The following WDR11 variants were observed in gnomAD, a reference collection of about 807,000 sequenced individuals.
WDR11 encodes WD repeat-containing protein 11.
A neutral mutation model predicts 151.2 loss-of-function variants in WDR11; 83 were observed. That is an observed-to-expected ratio of 0.55 (90% CI 0.46 to 0.66). The LOEUF (loss-of-function observed/expected upper bound fraction) is 0.66, where lower values mean the gene tolerates loss of function less well. WDR11 is among the 30% of genes least tolerant of loss of function. The pLI, the probability that WDR11 is intolerant of heterozygous loss-of-function variation, is 0.00. For missense variants in WDR11, 1,301 were observed against 1,480.9 expected (o/e 0.88, Z 1.99); for synonymous variants, 484 against 533.1 (o/e 0.91, Z 1.27).
intron 19 of WDR11, among the ~76,000 whole-genome samples, chr10:120,899,102 T>C (rs938655741): frequency 2.6e-5 from 4 of 152,152 alleles, no homozygotes; most frequent in African/African-American, 9.7e-5. Context: ...TTGCAGCCTT[T>C]AGGTCTTCTG....
In WDR11 at chr10:120,878,353, G is replaced by C. The variant is rs1407316848; in HGVS notation, c.1557G>C (p.Lys519Asn). ...ACCTTTATCTCATTTCCTATTATAG[G>C]GGTATTGAATGGACAAGTTTGACTA... The part of the protein sequence containing the change: ...KELSIHSCEV[K>N]GIEWTSLTSF... The change falls in exon 12 of 29, where the codon AAG becomes AAC. Residue 519 changes from lysine to asparagine, a missense_variant and splice_region_variant. This residue lies in a region of WDR11 where 692 missense variants were observed against 762.5 expected (regional missense o/e 0.91). Coordinates refer to ENST00000263461, the MANE Select transcript of WDR11 (RefSeq NM_018117.12). 2.5e-6 allele frequency: 4 copies of C among 1,595,616 alleles called. No homozygotes were observed. In the Admixed American group the frequency reaches 6.7e-5, roughly 27 times the overall value.
intron 2 of WDR11, among the ~76,000 whole-genome samples, chr10:120,854,554 ACT>A (rs1845885717): frequency 6.6e-6 from 1 of 152,184 alleles, no homozygotes; most frequent in South Asian, 2.1e-4. Flanking sequence ...TCATATGGTA[ACT>A]CTGTTTAACT....
At chr10:120,883,961 G>T (rs1847120772) in intron 14 of WDR11, 73 bp downstream of exon 14, 2 of 1,302,096 alleles carry the variant, frequency 1.5e-6, no homozygotes. Context: ...GCTTAAGCTT[G>T]AATCAAAATC....
At chr10:120,869,876 A>G (rs975370465) in intron 9 of WDR11, among the ~76,000 whole-genome samples, 11 of 151,646 alleles carry the variant, frequency 7.3e-5, no homozygotes, top group African/African-American at 2.4e-4. Flanking sequence ...TGCAACCTCC[A>G]CCTCCCGAGT....
chr10:120,902,202 C>T (rs1847851493), intron 21 of WDR11, 55 bp from the exon 22 acceptor site: 5 of 1,437,430 alleles, frequency 3.5e-6, no homozygotes, highest in East Asian at 2.3e-5. Context: ...AACCCCCATG[C>T]TTTATTGTTT....
intron 19 of WDR11, 27 bp from the exon 20 acceptor site, chr10:120,900,002 T>G (rs1258687039): frequency 6.3e-7 from 1 of 1,590,138 alleles, no homozygotes; most frequent in African/African-American, 1.3e-5. Context: ...TTCATTTTAT[T>G]TTTAAAAACC....
intron 10 of WDR11, 41 bp downstream of exon 10, chr10:120,871,387 AT>A: frequency 6.3e-7 from 1 of 1,586,026 alleles, no homozygotes; most frequent in Non-Finnish European, 8.6e-7. Context: ...AACTCACTTT[AT>A]AAGATGTTTA....
chr10:120,890,658 A>G, intron 18 of WDR11, 58 bp from the exon 19 acceptor site: 1 of 1,603,638 alleles, frequency 6.2e-7, no homozygotes, highest in Non-Finnish European at 8.5e-7. Flanking sequence ...CATTTAATCT[A>G]GAATAATAAA....
chr10:120,857,894 T>C (rs2133730074), intron 2 of WDR11, among the ~76,000 whole-genome samples: 1 of 152,268 alleles, frequency 6.6e-6, no homozygotes, highest in South Asian at 2.1e-4. Flanking sequence ...GCAAAAAGAA[T>C]GTAAATAAAA....
intron 14 of WDR11, 33 bp downstream of exon 14, chr10:120,883,921 T>C (rs1456335676): frequency 1.3e-6 from 2 of 1,541,788 alleles, no homozygotes; most frequent in Non-Finnish European, 1.8e-6. Flanking sequence ...AATAGCTTAT[T>C]TAGGTATATA....
intron 26 of WDR11, 56 bp from the exon 27 acceptor site, chr10:120,905,820 T>G (rs1848016932): frequency 6.2e-7 from 1 of 1,613,806 alleles, no homozygotes; most frequent in Admixed American, 1.7e-5. Flanking sequence ...TGAATTATTA[T>G]TTTTTCTTTA....
At chr10:120,906,664 C>G in intron 27 of WDR11, 112 bp from the exon 28 acceptor site, 2 of 1,590,240 alleles carry the variant, frequency 1.3e-6, no homozygotes, top group South Asian at 2.3e-5. Flanking sequence ...TATCTTAATG[C>G]AGTATGCAGG....
At chr10:120,906,941 C>A in intron 28 of WDR11, 86 bp downstream of exon 28, 1 of 1,563,196 alleles carries the variant, frequency 6.4e-7, no homozygotes, top group Non-Finnish European at 8.8e-7. Flanking sequence ...GCTGCCTGGA[C>A]AGGAACTATA....
chr10:120,874,176 G>GTTT (rs66873217), intron 11 of WDR11, among the ~76,000 whole-genome samples: 2,922 of 83,156 alleles, frequency 0.035, 109 homozygotes, highest in Admixed American at 0.063. Flanking sequence ...GGTTTTTGCA[G>GTTT]TTTTTTTTTT....
At chr10:120,867,248 T>A (rs1846348843) in intron 9 of WDR11, 79 bp downstream of exon 9, 1 of 1,050,848 alleles carries the variant, frequency 9.5e-7, no homozygotes, top group Admixed American at 1.8e-5. Flanking sequence ...CACTTGTAAT[T>A]ATTTTAAAGT....
chr10:120,879,437 G>A (rs1386853361), intron 12 of WDR11: 1 of 152,056 alleles, frequency 6.6e-6, no homozygotes, highest in Admixed American at 6.6e-5. Flanking sequence ...CCAGCAGAAT[G>A]GTACTGGCCC....
intron 2 of WDR11, among the ~76,000 whole-genome samples, chr10:120,852,904 C>A (rs931055757): frequency 1.3e-5 from 2 of 152,176 alleles, no homozygotes; most frequent in African/African-American, 2.4e-5. Flanking sequence ...TGAGCACTTA[C>A]CATATGCTAT....
chr10:120,885,977 T>G (rs765285265), intron 15 of WDR11, 39 bp downstream of exon 15: 3 of 1,610,858 alleles, frequency 1.9e-6, no homozygotes, highest in Non-Finnish European at 2.5e-6. Flanking sequence ...ATTTGTGCCA[T>G]TAGCATCATG....
At chr10:120,883,989 T>G (rs1847122004) in intron 14 of WDR11, 101 bp downstream of exon 14, 2 of 998,402 alleles carry the variant, frequency 2.0e-6, no homozygotes, top group Non-Finnish European at 3.1e-6. Context: ...CCAATGTCAT[T>G]TTTTTGGTTA....
Sources: allele counts gnomAD v4.1 joint callset (sites outside exome capture counted in the v4.1 genomes callset), GRCh38; gene constraint gnomAD v4.1.1; regional missense constraint gnomAD v4.1.1; transcripts MANE v1.5; gene names NCBI Gene and HGNC (gene_info 2026-07-23, HGNC 2026-07-21).